The following PIP5K1B variants were observed in gnomAD, a reference collection of about 807,000 sequenced individuals.
PIP5K1B encodes phosphatidylinositol 4-phosphate 5-kinase type-1 beta.
In PIP5K1B, 42 loss-of-function variants were observed where a neutral mutation model predicts 67.0. The ratio of observed to expected loss-of-function variants is 0.63; its 90% CI spans 0.49 to 0.81. PIP5K1B has a LOEUF of 0.81. Among genes scored for constraint, PIP5K1B ranks in the 30% least tolerant of loss-of-function variants. PIP5K1B has a pLI of 0.00. For synonymous variants in PIP5K1B, 214 were observed against 231.4 expected, an observed-to-expected ratio of 0.92 and a Z score of 0.68; for missense variants, 459 against 646.3, an observed-to-expected ratio of 0.71 and a Z score of 3.14.
chr9:68,971,109 G>A (rs577619194), intron 14 of PIP5K1B, among the ~76,000 whole-genome samples: 9 of 152,108 alleles, frequency 5.9e-5, no homozygotes, highest in South Asian at 2.1e-4. Context: ...CCCTCAACCC[G>A]TCATCTCCAT....
chr9:68,710,693 C>T (rs146811807), intron 1 of PIP5K1B, among the ~76,000 whole-genome samples: 23 of 152,324 alleles, frequency 1.5e-4, no homozygotes, highest in African/African-American at 5.1e-4. Flanking sequence ...AGTAAGCTGA[C>T]AGTGCCTTGG....
intron 8 of PIP5K1B, among the ~76,000 whole-genome samples, chr9:68,916,868 T>C (rs1826122985): frequency 7.5e-6 from 1 of 132,824 alleles, no homozygotes; most frequent in Admixed American, 7.8e-5. Flanking sequence ...CGAGACTCTG[T>C]CTCAAAAATA....
In PIP5K1B at chr9:68,826,944, G is replaced by GT. The variant is rs397828590; in HGVS notation, c.69+4264dup. Among the ~76,000 whole-genome samples the GT allele has an allele frequency of 2.0e-5, 3 of 151,670 alleles. No homozygotes were observed. In the East Asian group the frequency reaches 5.8e-4, roughly 29 times the overall value. ...TTTTTTGTATTTTAGTTGAGATGGG[G>GT]TTTCACCATGTTGCCCAGACTGATC... is the stretch of plus-strand genomic sequence containing the variant. On this transcript the variant is annotated intron_variant, in intron 4 of 15. Coordinates refer to ENST00000265382, the MANE Select transcript of PIP5K1B (RefSeq NM_003558.4).
intron 14 of PIP5K1B, among the ~76,000 whole-genome samples, chr9:68,984,890 A>C (rs1276158830): frequency 1.3e-5 from 2 of 152,246 alleles, no homozygotes; most frequent in Non-Finnish European, 2.9e-5. Context: ...AGCAGCAATG[A>C]CTGTAAAAAA....
intron 4 of PIP5K1B, among the ~76,000 whole-genome samples, chr9:68,828,430 C>G (rs1298368006): frequency 6.6e-6 from 1 of 152,208 alleles, no homozygotes; most frequent in African/African-American, 2.4e-5. Flanking sequence ...GACCAGGACA[C>G]CTACAGGATC....
chr9:68,926,741 T>G (rs553380287), intron 12 of PIP5K1B, among the ~76,000 whole-genome samples: 2 of 152,184 alleles, frequency 1.3e-5, no homozygotes, highest in African/African-American at 4.8e-5. Context: ...CCAGCTAATT[T>G]TTGTATTTTT....
In PIP5K1B at chr9:68,770,791, C is replaced by G. The variant is rs971123568; in HGVS notation, c.-86+28134C>G. ...TCCCATGGGAAAATGGTCTTCCATGCAACTGGTCTGGTGCCAAAAATGTTG... is the reference window on the plus strand; with the variant it reads ...TCCCATGGGAAAATGGTCTTCCATGGAACTGGTCTGGTGCCAAAAATGTTG... On this transcript the variant is annotated intron_variant, in intron 2 of 15. Transcript: ENST00000265382. 2.6e-5 allele frequency among the ~76,000 whole-genome samples: 4 copies of G among 152,276 alleles called. No homozygotes were observed. In the South Asian group the frequency reaches 6.2e-4, roughly 24 times the overall value.
intron 2 of PIP5K1B, among the ~76,000 whole-genome samples, chr9:68,764,407 A>G (rs1462681609): frequency 6.6e-6 from 1 of 152,054 alleles, no homozygotes; most frequent in Non-Finnish European, 1.5e-5. Flanking sequence ...AATCATCTCT[A>G]ACATTAGATT....
At chr9:68,760,282 T>C (rs571292156) in intron 2 of PIP5K1B, among the ~76,000 whole-genome samples, 1 of 152,184 alleles carries the variant, frequency 6.6e-6, no homozygotes, top group East Asian at 1.9e-4. Context: ...GAACTAAAAA[T>C]ATTGTTGTCA....
chr9:68,862,827 AT>A (rs1409375353), intron 4 of PIP5K1B, among the ~76,000 whole-genome samples: 36 of 149,434 alleles, frequency 2.4e-4, no homozygotes, highest in East Asian at 1.2e-3. Flanking sequence ...AAATAAATAT[AT>A]ATATATATAT....
At chr9:68,906,910 C>T (rs1469475529) in intron 8 of PIP5K1B, among the ~76,000 whole-genome samples, 1 of 152,176 alleles carries the variant, frequency 6.6e-6, no homozygotes, top group East Asian at 1.9e-4. Flanking sequence ...AATTGGCTAT[C>T]CAACTTTTTT....
chr9:68,929,720 A>G (rs936033767), intron 12 of PIP5K1B, among the ~76,000 whole-genome samples: 1 of 152,016 alleles, frequency 6.6e-6, no homozygotes, highest in Non-Finnish European at 1.5e-5. Flanking sequence ...CCCAGGCTGG[A>G]GTACAGTGGC....
intron 2 of PIP5K1B, chr9:68,780,363 A>T (rs764675593): frequency 6.2e-7 from 1 of 1,612,688 alleles, no homozygotes; most frequent in Non-Finnish European, 8.5e-7. Context: ...AACGTTCCCG[A>T]GCCGCCACGG....
At chr9:68,978,269 C>T (rs1564287936) in intron 14 of PIP5K1B, among the ~76,000 whole-genome samples, 3 of 152,206 alleles carry the variant, frequency 2.0e-5, no homozygotes, top group Non-Finnish European at 4.4e-5. Context: ...TTTTGGCCAA[C>T]ACCTCCTCAC....
intron 2 of PIP5K1B, among the ~76,000 whole-genome samples, chr9:68,807,652 CTTGT>C (rs749322766): frequency 2.6e-5 from 4 of 152,260 alleles, no homozygotes; most frequent in East Asian, 3.9e-4. Flanking sequence ...GGCAAACAGA[CTTGT>C]TTGTTTGTTT....
In PIP5K1B at chr9:68,863,863, T is replaced by C. The variant is rs1823226622; in HGVS notation, c.96T>C (p.Ala32=). Residue 32 remains alanine (A), a synonymous_variant, in exon 5 of 16, where the codon GCT becomes GCC. Transcript: ENST00000265382. Reference sequence around the variant, plus strand: ...CTGCATCATCTGCTATTAAAGGTGCTATTCAGCTGGGAATAGGATACACAG... The same window carrying C: ...CTGCATCATCTGCTATTAAAGGTGCCATTCAGCTGGGAATAGGATACACAG... ...KKTASSAIKG[A]IQLGIGYTVG... The C allele has an allele frequency of 6.2e-7, 1 of 1,613,746 alleles. No homozygotes were observed. The highest frequency in any genetic ancestry group is 1.7e-5 in the Admixed American group (1 of 60,004).
intron 11 of PIP5K1B, among the ~76,000 whole-genome samples, chr9:68,921,556 A>G (rs1029363867): frequency 1.3e-5 from 2 of 152,134 alleles, no homozygotes; most frequent in Non-Finnish European, 2.9e-5. Flanking sequence ...TGTACCAACC[A>G]GGTGCATCTA....
chr9:68,775,797 G>A (rs544370603), intron 2 of PIP5K1B, among the ~76,000 whole-genome samples: 193 of 152,280 alleles, frequency 1.3e-3, no homozygotes, highest in Non-Finnish European at 2.5e-3. Flanking sequence ...CATAGTGTAT[G>A]TATTCTTTTG....
chr9:68,730,186 G>C (rs1459064570), intron 1 of PIP5K1B, among the ~76,000 whole-genome samples: 4 of 152,186 alleles, frequency 2.6e-5, no homozygotes, highest in African/African-American at 9.7e-5. Context: ...CATACAATTT[G>C]CATTGATGAT....
Sources: allele counts gnomAD v4.1 joint callset (sites outside exome capture counted in the v4.1 genomes callset), GRCh38; gene constraint gnomAD v4.1.1; transcripts MANE v1.5; gene names NCBI Gene and HGNC (gene_info 2026-07-23, HGNC 2026-07-21).